SEMA3C: variants seen among roughly 807,000 people sequenced by gnomAD.
SEMA3C encodes the protein semaphorin-3C.
In SEMA3C, 47 loss-of-function variants were observed where a neutral mutation model predicts 89.4. The ratio of observed to expected loss-of-function variants is 0.53; its 90% CI spans 0.42 to 0.67. The LOEUF (loss-of-function observed/expected upper bound fraction) is 0.67, where lower values mean the gene tolerates loss of function less well. SEMA3C is among the 30% of genes least tolerant of loss of function. The pLI is 0.00. For synonymous variants in SEMA3C, 310 were observed against 320.2 expected (o/e 0.97, Z 0.34); for missense variants, 839 against 929.1 (o/e 0.90, Z 1.26).
At chr7:80,852,745 C>G (rs183008123) in intron 2 of SEMA3C, among the ~76,000 whole-genome samples, 88 of 147,520 alleles carry the variant, frequency 6.0e-4, no homozygotes, top group African/African-American at 2.0e-3. Flanking sequence ...GTGGCGCAAT[C>G]TTGGCTCACT....
At chr7:80,864,189 C>G (rs1396082855) in intron 2 of SEMA3C, among the ~76,000 whole-genome samples, 1 of 151,700 alleles carries the variant, frequency 6.6e-6, no homozygotes, top group Non-Finnish European at 1.5e-5. Context: ...GGGAGCTAAG[C>G]TATGAGGATG....
At chr7:80,874,156 A>T (rs941904551) in intron 2 of SEMA3C, among the ~76,000 whole-genome samples, 1 of 152,192 alleles carries the variant, frequency 6.6e-6, no homozygotes, top group Admixed American at 6.5e-5. Flanking sequence ...CTCATCCATT[A>T]GACTGTAAAT....
intron 12 of SEMA3C, among the ~76,000 whole-genome samples, chr7:80,774,322 G>A (rs1283004058): frequency 6.6e-6 from 1 of 152,146 alleles, no homozygotes; most frequent in Non-Finnish European, 1.5e-5. Context: ...GTATAAAAAA[G>A]AGAGAAAACA....
At chr7:80,789,639 A>G (rs1788888713) in intron 11 of SEMA3C, 111 bp from the exon 12 acceptor site, 1 of 702,580 alleles carries the variant, frequency 1.4e-6, no homozygotes, top group Admixed American at 3.0e-5. Flanking sequence ...TGTTTTAAGT[A>G]TATCTGCTAC....
intron 2 of SEMA3C, among the ~76,000 whole-genome samples, chr7:80,901,181 A>G (rs1421510930): frequency 6.6e-6 from 1 of 152,152 alleles, no homozygotes; most frequent in Non-Finnish European, 1.5e-5. Context: ...TCCAGTTGTC[A>G]AGTTAGTTAG....
chr7:80,795,612 T>C (rs569194588), intron 11 of SEMA3C, among the ~76,000 whole-genome samples: 4 of 152,314 alleles, frequency 2.6e-5, no homozygotes, highest in East Asian at 1.9e-4. Flanking sequence ...TAATTTAGCA[T>C]TGGTTTATTC....
intron 2 of SEMA3C, among the ~76,000 whole-genome samples, chr7:80,843,135 T>C (rs924436725): frequency 6.6e-6 from 1 of 152,150 alleles, no homozygotes. Flanking sequence ...TAATGCTCTA[T>C]AGAAGAGTAG....
At chr7:80,770,118 A>G (rs1384405452) in intron 12 of SEMA3C, among the ~76,000 whole-genome samples, 1 of 152,130 alleles carries the variant, frequency 6.6e-6, no homozygotes, top group Non-Finnish European at 1.5e-5. Context: ...GTACTGAGTG[A>G]GTTGGGCAGT....
intron 2 of SEMA3C, among the ~76,000 whole-genome samples, chr7:80,865,286 C>G (rs1790899038): frequency 6.6e-6 from 1 of 152,108 alleles, no homozygotes; most frequent in South Asian, 2.1e-4. Context: ...TAAAGCTTCA[C>G]TCCTATGTAT....
chr7:80,894,522 G>A (rs1469869710), intron 2 of SEMA3C, among the ~76,000 whole-genome samples: 1 of 152,104 alleles, frequency 6.6e-6, no homozygotes, highest in Non-Finnish European at 1.5e-5. Flanking sequence ...CAAAGAAGCT[G>A]TTTCCAAGGT....
intron 12 of SEMA3C, among the ~76,000 whole-genome samples, chr7:80,781,570 C>T (rs1179261914): frequency 6.6e-6 from 1 of 152,192 alleles, no homozygotes; most frequent in Non-Finnish European, 1.5e-5. Context: ...GCAGCTATAG[C>T]CTTCCTATGG....
upstream of SEMA3C, chr7:80,919,069 A>T: frequency 2.0e-6 from 2 of 985,244 alleles, no homozygotes; most frequent in African/African-American, 3.5e-5. Flanking sequence ...AAGTGGCCGG[A>T]GGCCGGGGGC....
At chr7:80,919,123 C>A (rs1255290640), upstream of SEMA3C, 2 of 984,734 alleles carry the variant, frequency 2.0e-6, no homozygotes, top group East Asian at 1.1e-4. Context: ...CGCGCGGCTC[C>A]GGCTGCCCCG....
At chr7:80,828,175 G>A (rs561979060) in intron 3 of SEMA3C, among the ~76,000 whole-genome samples, 7 of 151,932 alleles carry the variant, frequency 4.6e-5, no homozygotes, top group African/African-American at 1.7e-4. Flanking sequence ...CTTGTGAAAT[G>A]GAATGATAAA....
At chr7:80,761,052 A>T (rs1292490429) in intron 14 of SEMA3C, among the ~76,000 whole-genome samples, 1 of 152,116 alleles carries the variant, frequency 6.6e-6, no homozygotes, top group Non-Finnish European at 1.5e-5. Context: ...CAGACAATTA[A>T]TTTGAGGATT....
At chr7:80,893,966 C>T (rs1252429404) in intron 2 of SEMA3C, among the ~76,000 whole-genome samples, 4 of 152,166 alleles carry the variant, frequency 2.6e-5, no homozygotes, top group East Asian at 3.9e-4. Flanking sequence ...CATTCCTCTA[C>T]TTTAATTACC....
At chr7:80,827,330 C>A in intron 4 of SEMA3C, 95 bp downstream of exon 4, 2 of 1,290,560 alleles carry the variant, frequency 1.5e-6, no homozygotes, top group Non-Finnish European at 2.0e-6. Flanking sequence ...CACCACCATC[C>A]TTGTCTCATT....
At chr7:80,873,033 C>T (rs746439911) in intron 2 of SEMA3C, among the ~76,000 whole-genome samples, 6 of 151,798 alleles carry the variant, frequency 4.0e-5, no homozygotes, top group Admixed American at 2.0e-4. Context: ...CCCCAGACCA[C>T]GCTTTGAGAA....
intron 2 of SEMA3C, among the ~76,000 whole-genome samples, chr7:80,857,089 C>T (rs1050358294): frequency 4.6e-5 from 7 of 152,128 alleles, no homozygotes; most frequent in African/African-American, 1.7e-4. Context: ...AATTTCATCA[C>T]CAATATCTAT....
Sources: allele counts gnomAD v4.1 joint callset (sites outside exome capture counted in the v4.1 genomes callset), GRCh38; gene constraint gnomAD v4.1.1; transcripts MANE v1.5; gene names NCBI Gene and HGNC (gene_info 2026-07-23, HGNC 2026-07-21).